PREX1: variants seen among roughly 807,000 people sequenced by gnomAD.
The protein encoded by PREX1 is phosphatidylinositol-3,4,5-trisphosphate dependent Rac exchange factor 1, also known as phosphatidylinositol 3,4,5-trisphosphate-dependent Rac exchanger 1 protein.
PREX1 carries 41 observed loss-of-function variants against 198.3 expected under a neutral mutation model. The observed-to-expected ratio is 0.21, with a 90% confidence interval of 0.16 to 0.27. The LOEUF (loss-of-function observed/expected upper bound fraction) is 0.27, where lower values mean the gene tolerates loss of function less well. Among genes scored for constraint, PREX1 ranks in the 10% least tolerant of loss-of-function variants. The pLI is 1.00. For missense variants in PREX1, 1,620 were observed against 2,200.7 expected, an observed-to-expected ratio of 0.74 and a Z score of 5.28; for synonymous variants, 843 against 887.2, an observed-to-expected ratio of 0.95 and a Z score of 0.89.
chr20:48,876,523 G>T, the PREX1 span, among the ~76,000 whole-genome samples: 1 of 152,186 alleles, frequency 6.6e-6, no homozygotes, highest in South Asian at 2.1e-4. Context: ...ATGGGTGGTG[G>T]TTGAGGGCGA....
chr20:48,844,716 A>G, the PREX1 span, among the ~76,000 whole-genome samples: 2 of 152,190 alleles, frequency 1.3e-5, no homozygotes, highest in East Asian at 1.9e-4. Flanking sequence ...GAAAGATGCA[A>G]GGAACCTGGA....
chr20:48,791,085 G>A (rs763497999), intron 1 of PREX1, among the ~76,000 whole-genome samples: 2 of 152,136 alleles, frequency 1.3e-5, no homozygotes, highest in African/African-American at 2.4e-5. Context: ...CTGTACTTAT[G>A]CAAGGAGATA....
chr20:48,647,519 CAA>C (rs765244255), intron 25 of PREX1, among the ~76,000 whole-genome samples: 11 of 49,620 alleles, frequency 2.2e-4, no homozygotes, highest in Non-Finnish European at 4.5e-4. Context: ...GACAACATCT[CAA>C]AAAAAAAAAA....
chr20:48,784,659 C>T (rs952967355), intron 1 of PREX1, among the ~76,000 whole-genome samples: 1 of 152,186 alleles, frequency 6.6e-6, no homozygotes, highest in Non-Finnish European at 1.5e-5. Flanking sequence ...GGTCAAGAAG[C>T]CGACCTGCCC....
At chr20:48,660,098 C>G in intron 15 of PREX1, 37 bp from the exon 16 acceptor site, 2 of 1,596,940 alleles carry the variant, frequency 1.3e-6, no homozygotes, top group Non-Finnish European at 1.7e-6. Context: ...TGGTCAGATT[C>G]ACAGGGAAAG....
intron 3 of PREX1, among the ~76,000 whole-genome samples, chr20:48,736,764 T>C (rs2090058783): frequency 6.6e-6 from 1 of 152,194 alleles, no homozygotes; most frequent in South Asian, 2.1e-4. Flanking sequence ...TATTTTGTTG[T>C]AGGTGACAGG....
At chr20:48,785,601 G>A (rs149871902) in intron 1 of PREX1, among the ~76,000 whole-genome samples, 20 of 152,324 alleles carry the variant, frequency 1.3e-4, no homozygotes, top group East Asian at 9.6e-4. Flanking sequence ...AGGCCTCATC[G>A]CTGATGTTCG....
chr20:48,651,375 C>A, intron 22 of PREX1, 21 bp downstream of exon 22: 1 of 1,582,450 alleles, frequency 6.3e-7, no homozygotes, highest in Non-Finnish European at 8.6e-7. Flanking sequence ...TAGGGCAGGG[C>A]CAGGCAGTGC....
chr20:48,648,834 C>T (rs1020044934), intron 25 of PREX1, among the ~76,000 whole-genome samples: 1 of 152,222 alleles, frequency 6.6e-6, no homozygotes, highest in Non-Finnish European at 1.5e-5. Context: ...AGACCTTGAA[C>T]CTTCAGGAGA....
In PREX1 at chr20:48,645,724, G is replaced by A. The variant is rs565650010; in HGVS notation, c.3512+127C>T. 7.7e-5 allele frequency: 83 copies of A among 1,084,908 alleles called. 1 individual carries two copies. Among genetic ancestry groups the A allele is most frequent in the Admixed American group, 4.6e-5 (2 of 43,884 alleles). 67.2% of individuals were successfully genotyped at this position (1,084,908 alleles called of 1,614,324 possible). A position where few individuals can be genotyped will look rare whatever the true frequency, so the allele number is the denominator to read the frequency against. ...ATAATCCCCCAGAACCACGCTATCA[G>A]CAACAGCACCCTGAGCCCACTGCAC... On this transcript the variant is annotated intron_variant, in intron 26 of 39. Transcript: ENST00000371941.
intron 1 of PREX1, among the ~76,000 whole-genome samples, chr20:48,806,164 T>C (rs1201423150): frequency 2.0e-5 from 3 of 152,214 alleles, no homozygotes; most frequent in African/African-American, 7.2e-5. Flanking sequence ...TCTCCAGACA[T>C]TGCCATATGT....
At position 48,708,389 on chromosome 20, in the gene PREX1, TG is replaced by T. The variant is rs1366095831; in HGVS notation, c.653del (p.Pro218GlnfsTer13). ...ELAKRTPGKH[P>X]DHPAVQSALQ... is the part of the protein sequence containing the mutation. ...GGGCACTCTGGACCGCGGGGTGGTC[TG>T]GGTGCTTGCCGGGAGTCCTCTTGGC... On this transcript the variant is annotated frameshift_variant, in exon 6 of 40. Coordinates refer to ENST00000371941, the MANE Select transcript of PREX1 (RefSeq NM_020820.4). LOFTEE classifies it high-confidence loss of function. 6.2e-7 allele frequency: 1 copy of T among 1,614,118 alleles called. No homozygotes were observed.
At chr20:48,672,945 C>A (rs1306939343) in intron 14 of PREX1, among the ~76,000 whole-genome samples, 1 of 152,128 alleles carries the variant, frequency 6.6e-6, no homozygotes, top group Non-Finnish European at 1.5e-5. Flanking sequence ...TCTGGGAGAA[C>A]AGGAGCTTTT....
In PREX1 at chr20:48,636,644, T is replaced by C. The variant is rs1173695117; in HGVS notation, c.3986A>G (p.Gln1329Arg). 1 of 1,610,982 alleles carries C rather than the reference T, an allele frequency of 6.2e-7. No homozygotes were observed. The highest frequency in any genetic ancestry group is 8.5e-7 in the Non-Finnish European group (1 of 1,179,276). ...LQLRRDAIFC[Q>R]ALVAAVCTFS... is the part of the protein sequence containing the mutation. ...GGTGCACACGGCGGCCACCAGGGCCTGGCAGAAGATCGCGTCTCTGCGCAG... is the reference window on the plus strand; with the variant it reads ...GGTGCACACGGCGGCCACCAGGGCCCGGCAGAAGATCGCGTCTCTGCGCAG... The change falls in exon 32 of 40, where the codon CAG becomes CGG. Residue 1329 changes from glutamine (Q) to arginine (R), a missense_variant. Physicochemically the swap from Gln to Arg is conservative, Grantham distance 43. This residue lies in a region of PREX1 where 476 missense variants were observed against 603.4 expected (regional missense o/e 0.79). Transcript: ENST00000371941.
intron 8 of PREX1, 45 bp downstream of exon 8, chr20:48,692,627 G>A: frequency 6.9e-7 from 1 of 1,451,562 alleles, no homozygotes; most frequent in Non-Finnish European, 9.5e-7. Context: ...CCAGGGAGCA[G>A]GCAGGGCTCA....
chr20:48,658,471 C>T (rs1229188552), intron 16 of PREX1, among the ~76,000 whole-genome samples: 3 of 152,222 alleles, frequency 2.0e-5, no homozygotes, highest in African/African-American at 7.2e-5. Flanking sequence ...AATGTGGAGT[C>T]AGGGAGTTTA....
intron 5 of PREX1, among the ~76,000 whole-genome samples, chr20:48,720,724 A>C (rs2089981439): frequency 6.6e-6 from 1 of 151,948 alleles, no homozygotes; most frequent in Non-Finnish European, 1.5e-5. Context: ...CTTCACCGAG[A>C]ATTGAGGTCA....
At chr20:48,882,419 G>A in the PREX1 span, among the ~76,000 whole-genome samples, 21 of 139,602 alleles carry the variant, frequency 1.5e-4, no homozygotes, top group East Asian at 3.3e-3. Flanking sequence ...GGAGAATGGC[G>A]TGAACCCAGG....
chr20:48,703,503 C>T (rs2089886154), intron 6 of PREX1, among the ~76,000 whole-genome samples: 1 of 152,232 alleles, frequency 6.6e-6, no homozygotes, highest in South Asian at 2.1e-4. Flanking sequence ...GGGGCTTCAT[C>T]ATGGCCCATG....
Sources: allele counts gnomAD v4.1 joint callset (sites outside exome capture counted in the v4.1 genomes callset), GRCh38; gene constraint gnomAD v4.1.1; regional missense constraint gnomAD v4.1.1; transcripts MANE v1.5; gene names NCBI Gene and HGNC (gene_info 2026-07-23, HGNC 2026-07-21).